Variants in NXPE2 observed in about 807,000 individuals in gnomAD.
The protein encoded by NXPE2 is neurexophilin and PC-esterase domain family member 2.
A neutral mutation model predicts 34.4 loss-of-function variants in NXPE2; 34 were observed. The ratio of observed to expected loss-of-function variants is 0.99; its 90% CI spans 0.75 to 1.31. The LOEUF is 1.31. Ranked by LOEUF, NXPE2 falls within the 40% of genes most tolerant of loss-of-function variation. NXPE2 has a pLI of 0.00. For synonymous variants in NXPE2, 235 were observed against 231.3 expected (o/e 1.02, Z -0.15); for missense variants, 649 against 672.5 (o/e 0.97, Z 0.39).
the NXPE2 span, among the ~76,000 whole-genome samples, chr11:114,613,408 A>G: frequency 6.6e-6 from 1 of 151,314 alleles, no homozygotes; most frequent in African/African-American, 2.4e-5. Flanking sequence ...GTGGGTAAGC[A>G]CTGTTACCTG....
chr11:114,647,118 T>A, the NXPE2 span, among the ~76,000 whole-genome samples: 1 of 152,174 alleles, frequency 6.6e-6, no homozygotes, highest in South Asian at 2.1e-4. Flanking sequence ...CCCTCATAAG[T>A]TGAAATGGTA....
the NXPE2 span, chr11:114,551,330 G>A: frequency 1.7e-5 from 23 of 1,379,936 alleles, no homozygotes; most frequent in Non-Finnish European, 1.9e-5. Flanking sequence ...GTGAGTCACT[G>A]TCTTCTTTCC....
the NXPE2 span, among the ~76,000 whole-genome samples, chr11:114,739,953 A>G: frequency 6.6e-6 from 1 of 152,184 alleles, no homozygotes; most frequent in African/African-American, 2.4e-5. Context: ...TCCATTATAT[A>G]TACAGTAGTC....
chr11:114,662,516 C>A, the NXPE2 span, among the ~76,000 whole-genome samples: 5 of 152,144 alleles, frequency 3.3e-5, no homozygotes, highest in South Asian at 1.0e-3. Context: ...TGAACTTGGC[C>A]CAGAGTCAGT....
At chr11:114,630,915 A>G in the NXPE2 span, among the ~76,000 whole-genome samples, 1 of 151,790 alleles carries the variant, frequency 6.6e-6, no homozygotes, top group East Asian at 1.9e-4. Flanking sequence ...CAAAAAACAC[A>G]TGAAAAAATG....
chr11:114,769,510 A>G, the NXPE2 span, among the ~76,000 whole-genome samples: 2 of 152,230 alleles, frequency 1.3e-5, no homozygotes, highest in African/African-American at 4.8e-5. Context: ...ACACATGCAC[A>G]TGTATGTTTA....
chr11:114,776,220 G>C, the NXPE2 span, among the ~76,000 whole-genome samples: 1 of 152,238 alleles, frequency 6.6e-6, no homozygotes, highest in South Asian at 2.1e-4. Context: ...AGCGGCCCCC[G>C]TGTCCGGGCA....
the NXPE2 span, chr11:114,584,302 AT>A: frequency 2.0e-6 from 1 of 512,142 alleles, no homozygotes; most frequent in Non-Finnish European, 4.0e-6. Context: ...TCCTTCCAAT[AT>A]GACTAACCAG....
chr11:114,571,016 T>C, the NXPE2 span: 2 of 1,613,368 alleles, frequency 1.2e-6, no homozygotes, highest in Non-Finnish European at 8.5e-7. Context: ...TTGTGCCATA[T>C]GCAATTGTTA....
the NXPE2 span, among the ~76,000 whole-genome samples, chr11:114,807,211 C>T: frequency 1.3e-5 from 2 of 150,316 alleles, no homozygotes; most frequent in Admixed American, 6.6e-5. Flanking sequence ...TGGAAAGGAA[C>T]AACCAGTACC....
the NXPE2 span, among the ~76,000 whole-genome samples, chr11:114,613,174 G>A: frequency 2.0e-5 from 3 of 151,624 alleles, no homozygotes; most frequent in South Asian, 2.1e-4. Context: ...TGGATAATTA[G>A]TGTTGCCTCT....
the NXPE2 span, chr11:114,580,340 T>G: frequency 6.2e-7 from 1 of 1,613,334 alleles, no homozygotes; most frequent in South Asian, 1.1e-5. Context: ...CTGTTTCTTC[T>G]GCCAAAGAAT....
At chr11:114,812,976 C>G in the NXPE2 span, among the ~76,000 whole-genome samples, 1 of 152,146 alleles carries the variant, frequency 6.6e-6, no homozygotes, top group East Asian at 1.9e-4. Context: ...TATGGCTGCA[C>G]CCTGGGGAGA....
chr11:114,595,998 T>C, the NXPE2 span, among the ~76,000 whole-genome samples: 1 of 152,128 alleles, frequency 6.6e-6, no homozygotes. Flanking sequence ...TTAATACAAT[T>C]TGATAAATAT....
the NXPE2 span, among the ~76,000 whole-genome samples, chr11:114,651,184 C>A: frequency 6.6e-6 from 1 of 151,978 alleles, no homozygotes; most frequent in Non-Finnish European, 1.5e-5. Context: ...AGCCGTGGAC[C>A]CTCGCGGTTG....
chr11:114,505,214 T>C, the NXPE2 span, among the ~76,000 whole-genome samples: 1 of 152,002 alleles, frequency 6.6e-6, no homozygotes, highest in East Asian at 1.9e-4. Flanking sequence ...CTCTGATAAA[T>C]GTGGGATTAT....
At chr11:114,764,226 G>C in the NXPE2 span, among the ~76,000 whole-genome samples, 1 of 152,176 alleles carries the variant, frequency 6.6e-6, no homozygotes, top group South Asian at 2.1e-4. Flanking sequence ...GGGATAGCTA[G>C]ATGTAAATTT....
At chr11:114,626,470 C>A in the NXPE2 span, among the ~76,000 whole-genome samples, 2 of 152,154 alleles carry the variant, frequency 1.3e-5, no homozygotes, top group Non-Finnish European at 2.9e-5. Context: ...ACGGTCCTGT[C>A]TGTTAGAAGG....
chr11:114,506,767 A>G, the NXPE2 span, among the ~76,000 whole-genome samples: 1 of 152,286 alleles, frequency 6.6e-6, no homozygotes, highest in Non-Finnish European at 1.5e-5. Context: ...CTAAACACCC[A>G]TATCAAAAAG....
Sources: allele counts gnomAD v4.1 joint callset (sites outside exome capture counted in the v4.1 genomes callset), GRCh38; gene constraint gnomAD v4.1.1; transcripts MANE v1.5; gene names NCBI Gene and HGNC (gene_info 2026-07-23, HGNC 2026-07-21).